The following PIGG variants were observed in gnomAD, a reference collection of about 807,000 sequenced individuals.
PIGG encodes GPI ethanolamine phosphate transferase 2, catalytic subunit.
In PIGG, 70 loss-of-function variants were observed where a neutral mutation model predicts 83.2. The observed-to-expected ratio is 0.84, with a 90% confidence interval of 0.69 to 1.03. PIGG has a LOEUF of 1.03. PIGG is among the 50% of genes least tolerant of loss of function. The pLI, the probability that PIGG is intolerant of heterozygous loss-of-function variation, is 0.00. For synonymous variants in PIGG, 532 were observed against 519.5 expected, an observed-to-expected ratio of 1.02 and a Z score of -0.33; for missense variants, 1,257 against 1,233.6, an observed-to-expected ratio of 1.02 and a Z score of -0.28.
intron 2 of PIGG, among the ~76,000 whole-genome samples, chr4:502,977 A>G (rs1553876660): frequency 6.6e-6 from 1 of 152,176 alleles, no homozygotes. Flanking sequence ...CCGAGTATAT[A>G]ACGGAATCCA....
chr4:503,878 A>G (rs1196485443), intron 2 of PIGG, among the ~76,000 whole-genome samples: 1 of 151,964 alleles, frequency 6.6e-6, no homozygotes, highest in East Asian at 1.9e-4. Flanking sequence ...ACACACACAC[A>G]CACACACAGA....
intron 10 of PIGG, 61 bp downstream of exon 10, chr4:527,291 C>T: frequency 6.8e-7 from 1 of 1,471,684 alleles, no homozygotes; most frequent in Non-Finnish European, 8.9e-7. Context: ...AACTGGCGGA[C>T]ACGGGGCGCG....
rs111868123 is a variant in PIGG at position 499,701 on chromosome 4, G to C, written c.154+212G>C. The C allele has an allele frequency of 5.0e-6, 7 of 1,395,420 alleles. No individual in the cohort carries two copies. In the African/African-American group the frequency reaches 5.9e-5, roughly 12 times the overall value. The allele number at this position is 1,395,420 out of a possible 1,614,324, so 86.4% of individuals were successfully genotyped here. A position where few individuals can be genotyped will look rare whatever the true frequency, so the allele number is the denominator to read the frequency against. On this transcript the variant is annotated intron_variant, in intron 1 of 12. Coordinates refer to ENST00000453061, the MANE Select transcript of PIGG (RefSeq NM_001127178.3). The stretch of plus-strand genomic sequence containing the variant: ...CAACCACCTCTACTGGCCCCACTTC[G>C]ACCTTCCTTCCTGATCACCACAAAG...
At chr4:532,618 A>G (rs73794940) in intron 11 of PIGG, 28,426 of 152,190 alleles carry the variant, frequency 0.19, 3,192 homozygotes, top group African/African-American at 0.32. Flanking sequence ...TCTGTGAGAT[A>G]ATGGGGAAGC....
chr4:531,765 TC>T (rs1263349456), intron 11 of PIGG: 1 of 152,542 alleles, frequency 6.6e-6, no homozygotes, highest in Non-Finnish European at 1.5e-5. Flanking sequence ...ACCCTTCTGA[TC>T]CGCTCAGGCC....
chr4:527,722 A>G (rs747181692), intron 10 of PIGG: 32 of 985,350 alleles, frequency 3.2e-5, no homozygotes, highest in Non-Finnish European at 3.9e-5. Context: ...GTAAGGGGCC[A>G]GGAGCTCCTG....
intron 5 of PIGG, among the ~76,000 whole-genome samples, chr4:512,672 A>G (rs1448306243): frequency 5.3e-5 from 8 of 151,650 alleles, no homozygotes; most frequent in Non-Finnish European, 8.8e-5. Context: ...AAAATTAGCC[A>G]GATGTGGTGG....
At chr4:521,543 C>A in intron 7 of PIGG, 117 bp from the exon 8 acceptor site, 1 of 984,474 alleles carries the variant, frequency 1.0e-6, no homozygotes, top group Non-Finnish European at 1.5e-6. Context: ...TTTTCCTGAG[C>A]TTGCTTTTCT....
chr4:500,563 G>C lies in PIGG; in HGVS notation c.322G>C (p.Glu108Gln), dbSNP rs1553875208. 2 of 1,612,584 alleles carry C rather than the reference G, an allele frequency of 1.2e-6. No individual in the cohort carries two copies. Among genetic ancestry groups the C allele is most frequent in the Non-Finnish European group, 1.7e-6 (2 of 1,178,664 alleles). ...EKGASHSFVA[E>Q]AKPPTVTMPR... ...AGGAGCATCTCACAGTTTTGTGGCT[G>C]AAGCAAAGCCACCTACAGTTACTAT... The change falls in exon 2 of 13, where the codon GAA (glutamate) becomes CAA (glutamine). Residue 108 changes from glutamate to glutamine, a missense_variant. Physicochemically the swap from Glu to Gln is conservative, Grantham distance 29 (BLOSUM62 2). Coordinates refer to ENST00000453061, the MANE Select transcript of PIGG (RefSeq NM_001127178.3).
intron 6 of PIGG, among the ~76,000 whole-genome samples, chr4:517,311 G>T (rs1724249508): frequency 6.6e-6 from 1 of 152,152 alleles, no homozygotes; most frequent in South Asian, 2.1e-4. Flanking sequence ...TGAAGAAGTG[G>T]TTGCATTCTG....
At chr4:500,268 T>G in intron 1 of PIGG, 128 bp from the exon 2 acceptor site, 9 of 675,962 alleles carry the variant, frequency 1.3e-5, no homozygotes, top group East Asian at 2.8e-5. Flanking sequence ...GTCGCCTCCT[T>G]TTGGGTTGGG....
chr4:530,452 C>G lies in PIGG; in HGVS notation c.2278C>G (p.Arg760Gly). ...KDISKGIIEA[R>G]FVYVFVLGIL... ...CTTTTTTAGGGGTATTATTGAAGCTCGTTTTGTTTATGTCTTTGTCCTTGG... is the reference window on the plus strand; with the variant it reads ...CTTTTTTAGGGGTATTATTGAAGCTGGTTTTGTTTATGTCTTTGTCCTTGG... Residue 760 changes from arginine (R) to glycine (G), a missense_variant, in exon 11 of 13, where the codon CGT (arginine) becomes GGT (glycine). Physicochemically the swap from Arg to Gly is moderately radical, Grantham distance 125 (BLOSUM62 -2). Transcript: ENST00000453061. 2 of 1,611,686 alleles carry G rather than the reference C, an allele frequency of 1.2e-6. No homozygotes were observed. Among genetic ancestry groups the G allele is most frequent in the South Asian group, 1.1e-5 (1 of 90,916 alleles).
chr4:528,852 T>A lies in PIGG; in HGVS notation c.2262-1584T>A. On this transcript the variant is annotated intron_variant, in intron 10 of 12. Coordinates refer to ENST00000453061, the MANE Select transcript of PIGG (RefSeq NM_001127178.3). The surrounding 1 kb of genome is among the most constrained non-coding windows in gnomAD (Gnocchi z 4.8). ...GTGTGCCTTTTCTTTCCACACGCAC[T>A]GCCTGGTTCACCTTCTTCCTGTAAA... The A allele has an allele frequency of 2.6e-6, 1 of 381,352 alleles. No homozygotes were observed. The highest frequency in any genetic ancestry group is 3.6e-6 in the Non-Finnish European group (1 of 277,686). The allele number at this position is 381,352 out of a possible 1,614,324, so 23.6% of individuals were successfully genotyped here. A position where few individuals can be genotyped will look rare whatever the true frequency, so the allele number is the denominator to read the frequency against.
intron 12 of PIGG, among the ~76,000 whole-genome samples, chr4:535,334 A>C (rs1005983910): frequency 1.5e-5 from 2 of 129,196 alleles, no homozygotes; most frequent in Non-Finnish European, 3.1e-5. Context: ...CATCTACTAG[A>C]GTGCCCCGTG....
chr4:518,695 G>T (rs929444794), intron 6 of PIGG, among the ~76,000 whole-genome samples: 1 of 152,164 alleles, frequency 6.6e-6, no homozygotes, highest in Non-Finnish European at 1.5e-5. Flanking sequence ...AACCACAGTG[G>T]ATATGAGAGG....
chr4:519,331 G>A (rs981929384), intron 6 of PIGG, among the ~76,000 whole-genome samples: 18 of 152,312 alleles, frequency 1.2e-4, no homozygotes, highest in East Asian at 7.7e-4. Context: ...TGCCTGGCAC[G>A]TCGTCCACGC....
intron 12 of PIGG, chr4:537,332 AGTG>A (rs1730907840): frequency 6.6e-6 from 1 of 152,036 alleles, no homozygotes; most frequent in Non-Finnish European, 1.5e-5. Flanking sequence ...TCTTTGCTAA[AGTG>A]GTGGGAACAG....
intron 2 of PIGG, among the ~76,000 whole-genome samples, chr4:502,625 T>C (rs979927296): frequency 5.3e-5 from 8 of 152,152 alleles, no homozygotes; most frequent in Non-Finnish European, 1.2e-4. Flanking sequence ...TAGCTGGCAT[T>C]GATTGACAGA....
At chr4:526,903 A>C in intron 9 of PIGG, 136 bp from the exon 10 acceptor site, 1 of 992,938 alleles carries the variant, frequency 1.0e-6, no homozygotes, top group African/African-American at 1.7e-5. Context: ...GAAAATAAAA[A>C]TCAACAATTT....
Sources: gnomAD v4.1 joint callset for allele counts (sites outside exome capture counted in the v4.1 genomes callset) on GRCh38, gnomAD v4.1.1 for gene constraint, Gnocchi (gnomAD v3.1) non-coding constraint, MANE v1.5 for transcripts, NCBI Gene and HGNC (gene_info 2026-07-23, HGNC 2026-07-21) for gene names.